The following SYNE1 variants were observed in gnomAD, a reference collection of about 807,000 sequenced individuals.
SYNE1 encodes the protein nesprin-1.
SYNE1 carries 616 observed loss-of-function variants against 1,111.0 expected under a neutral mutation model. The ratio of observed to expected loss-of-function variants is 0.55; its 90% confidence interval spans 0.52 to 0.59. SYNE1 has a LOEUF of 0.59. Ranked by LOEUF, SYNE1 falls within the 20% of genes least tolerant of loss-of-function variation. The pLI is 0.00. For missense variants in SYNE1, 10,006 were observed against 10,417.0 expected (o/e 0.96, Z 1.72); for synonymous variants, 3,855 against 3,825.8 (o/e 1.01, Z -0.28).
intron 96 of SYNE1, among the ~76,000 whole-genome samples, chr6:152,283,252 A>G (rs896811159): frequency 5.3e-5 from 8 of 152,224 alleles, no homozygotes; most frequent in Non-Finnish European, 1.2e-4. Flanking sequence ...TAGCAAGAGT[A>G]TTTTCATGAA....
chr6:152,615,429 T>TTA (rs386408979), intron 3 of SYNE1, among the ~76,000 whole-genome samples: 8 of 11,770 alleles, frequency 6.8e-4, no homozygotes, highest in African/African-American at 3.1e-3. Flanking sequence ...CTTGAAACTA[T>TTA]TTTTTTTTAA....
chr6:152,122,421 T>C lies in SYNE1; in HGVS notation c.*15A>G, dbSNP rs1294293054. The stretch of plus-strand genomic sequence containing the variant: ...CTTATGCTACCAGCACTTCTGCAGA[T>C]GGCATCTGCTTAGTTCAGAGTGGAG... On this transcript the variant is annotated 3_prime_UTR_variant, in exon 146 of 146. Coordinates refer to ENST00000367255, the MANE Select transcript of SYNE1 (RefSeq NM_182961.4). 6.2e-7 allele frequency: 1 copy of C among 1,614,084 alleles called. No homozygotes were observed. The highest frequency in any genetic ancestry group is 1.1e-5 in the South Asian group (1 of 91,082).
At chr6:152,493,474 G>T (rs951519495) in intron 11 of SYNE1, among the ~76,000 whole-genome samples, 8 of 152,100 alleles carry the variant, frequency 5.3e-5, no homozygotes, top group Admixed American at 5.2e-4. Context: ...CTGCTGCAAG[G>T]CTTCAGGGAC....
chr6:152,619,540 G>T (rs918413694), intron 3 of SYNE1, among the ~76,000 whole-genome samples: 1 of 152,102 alleles, frequency 6.6e-6, no homozygotes, highest in Non-Finnish European at 1.5e-5. Context: ...CCCTGGCAGA[G>T]CTAATTAAAC....
intron 129 of SYNE1, among the ~76,000 whole-genome samples, chr6:152,179,881 C>T (rs766183093): frequency 2.0e-5 from 3 of 151,746 alleles, no homozygotes; most frequent in Non-Finnish European, 4.4e-5. Flanking sequence ...GACAGGGTTT[C>T]ACCATGTTGG....
At chr6:152,287,877 C>T (rs1296834027) in intron 95 of SYNE1, among the ~76,000 whole-genome samples, 1 of 152,160 alleles carries the variant, frequency 6.6e-6, no homozygotes, top group Non-Finnish European at 1.5e-5. Flanking sequence ...GCTTGTCAAC[C>T]TCCACCAAAA....
At chr6:152,428,160 T>G in intron 37 of SYNE1, 45 bp downstream of exon 37, 1 of 1,607,832 alleles carries the variant, frequency 6.2e-7, no homozygotes, top group Non-Finnish European at 8.5e-7. Flanking sequence ...TAATCCAGAA[T>G]TTCCTATTTA....
intron 128 of SYNE1, among the ~76,000 whole-genome samples, chr6:152,182,492 C>A (rs909599816): frequency 6.6e-6 from 1 of 152,176 alleles, no homozygotes; most frequent in African/African-American, 2.4e-5. Flanking sequence ...ATTACATACT[C>A]CCTGGGCTCA....
chr6:152,371,935 C>A (rs4988945), intron 59 of SYNE1, among the ~76,000 whole-genome samples: 20,091 of 61,518 alleles, frequency 0.33, 3,047 homozygotes, highest in African/African-American at 0.49. Flanking sequence ...CAGGACAGGA[C>A]AGGAAAGGAA....
chr6:152,447,425 A>G (rs760998101), intron 29 of SYNE1, 33 bp downstream of exon 29: 9 of 1,613,150 alleles, frequency 5.6e-6, no homozygotes, highest in South Asian at 1.1e-5. Flanking sequence ...CTCACTCAGA[A>G]CTGTCTGTTT....
chr6:152,148,387 G>T lies in SYNE1; in HGVS notation c.24643-9C>A. On this transcript the variant is annotated splice_polypyrimidine_tract_variant and intron_variant, in intron 136 of 145. Coordinates refer to ENST00000367255, the MANE Select transcript of SYNE1 (RefSeq NM_182961.4). The surrounding 1 kb of genome is among the most constrained non-coding windows in gnomAD (Gnocchi z 4.1). ...TGCTCATCGTCTGGGAGCTAGAAGG[G>T]AAGTCAAGGCAACCCTGTCACTGTA... 6.2e-7 allele frequency: 1 copy of T among 1,612,146 alleles called. No homozygotes were observed.
chr6:152,336,919 A>G lies in SYNE1; in HGVS notation c.12450T>C (p.Asp4150=). ...SELWIYLQDA[D]QQLQNMKRRH... is the part of the protein sequence containing the mutation. ...TCCTCTTCATGTTCTGCAGTTGCTG[A>G]TCAGCATCTTGCAGGTAAATCCAGA... The change falls in exon 76 of 146, where the codon GAT becomes GAC. Residue 4150 remains aspartate, a synonymous_variant. Coordinates refer to ENST00000367255, the MANE Select transcript of SYNE1 (RefSeq NM_182961.4). The G allele has an allele frequency of 6.2e-7, 1 of 1,614,136 alleles. No individual in the cohort carries two copies. Among genetic ancestry groups the G allele is most frequent in the Non-Finnish European group, 8.5e-7 (1 of 1,180,030 alleles).
chr6:152,488,811 A>G (rs2098955178), intron 11 of SYNE1, among the ~76,000 whole-genome samples: 1 of 152,102 alleles, frequency 6.6e-6, no homozygotes, highest in African/African-American at 2.4e-5. Context: ...AATAAGAGTA[A>G]TAGCTGGAGT....
At chr6:152,404,116 T>TAA in intron 46 of SYNE1, 97 bp downstream of exon 46, 1 of 616,588 alleles carries the variant, frequency 1.6e-6, no homozygotes, top group Non-Finnish European at 2.9e-6. Flanking sequence ...TATATATATA[T>TAA]ACACACACAC....
At chr6:152,284,838 C>T (rs1354063797) in intron 95 of SYNE1, among the ~76,000 whole-genome samples, 1 of 151,862 alleles carries the variant, frequency 6.6e-6, no homozygotes, top group Non-Finnish European at 1.5e-5. Context: ...GTTGCTTTCC[C>T]CAAATCTGAA....
At chr6:152,620,041 C>G (rs183566104) in intron 3 of SYNE1, among the ~76,000 whole-genome samples, 1 of 152,222 alleles carries the variant, frequency 6.6e-6, no homozygotes, top group African/African-American at 2.4e-5. Flanking sequence ...CAGGCACACG[C>G]GCACCGGCTC....
chr6:152,331,244 G>T lies in SYNE1; in HGVS notation c.13441C>A (p.His4481Asn), dbSNP rs748854895. The T allele has an allele frequency of 1.2e-6, 2 of 1,614,086 alleles. No homozygotes were observed. Among genetic ancestry groups the T allele is most frequent in the Non-Finnish European group, 1.7e-6 (2 of 1,180,034 alleles). ...QHERKIMFRE[H>N]ICLLPDDVSK... ...ACATCATCTGGTAACAGACAGATGT[G>T]TTCACGGAACATTATCTTTCGCTCA... The change falls in exon 78 of 146, where the codon CAC (histidine) becomes AAC (asparagine). Residue 4481 changes from histidine (H) to asparagine (N), a missense_variant. Coordinates refer to ENST00000367255, the MANE Select transcript of SYNE1 (RefSeq NM_182961.4).
At chr6:152,406,093 T>C (rs2097895635) in intron 45 of SYNE1, among the ~76,000 whole-genome samples, 1 of 152,184 alleles carries the variant, frequency 6.6e-6, no homozygotes, top group South Asian at 2.1e-4. Flanking sequence ...ATATCTTAGG[T>C]GCTCATTAAA....
intron 39 of SYNE1, among the ~76,000 whole-genome samples, chr6:152,425,127 C>T (rs1410662207): frequency 6.6e-6 from 1 of 152,122 alleles, no homozygotes; most frequent in Non-Finnish European, 1.5e-5. Context: ...ATTAGCAATC[C>T]TACCGTCTTT....
Sources: gnomAD v4.1 joint callset for allele counts (sites outside exome capture counted in the v4.1 genomes callset) on GRCh38, gnomAD v4.1.1 for gene constraint, Gnocchi (gnomAD v3.1) non-coding constraint, MANE v1.5 for transcripts, NCBI Gene and HGNC (gene_info 2026-07-23, HGNC 2026-07-21) for gene names.